CCDC178: variants seen among roughly 807,000 people sequenced by gnomAD.
CCDC178 encodes the protein coiled-coil domain-containing protein 178.
In CCDC178, 126 loss-of-function variants were observed where a neutral mutation model predicts 117.4. The ratio of observed to expected loss-of-function variants is 1.07; its 90% CI spans 0.93 to 1.24. CCDC178 has a LOEUF of 1.24. Ranked by LOEUF, CCDC178 falls within the 50% of genes most tolerant of loss-of-function variation. The pLI is 0.00. For missense variants in CCDC178, 1,030 were observed against 986.9 expected (o/e 1.04, Z -0.59); for synonymous variants, 283 against 313.4 (o/e 0.90, Z 1.02).
intron 20 of CCDC178, among the ~76,000 whole-genome samples, chr18:33,113,527 C>T (rs1266621145): frequency 6.6e-6 from 1 of 152,008 alleles, no homozygotes; most frequent in South Asian, 2.1e-4. Context: ...TGAGATTCAA[C>T]ATCTTGGCAA....
chr18:32,995,945 C>CTA (rs2055497423), intron 21 of CCDC178, among the ~76,000 whole-genome samples: 3 of 151,606 alleles, frequency 2.0e-5, no homozygotes, highest in Admixed American at 6.6e-5. Context: ...ATATCTATAT[C>CTA]TATGTCTCTC....
intron 20 of CCDC178, among the ~76,000 whole-genome samples, chr18:33,193,714 T>C (rs912760572): frequency 6.6e-6 from 1 of 152,230 alleles, no homozygotes; most frequent in East Asian, 1.9e-4. Context: ...AAAACTGTTA[T>C]AGTAAACTAT....
chr18:33,019,507 C>G (rs2056066944), intron 21 of CCDC178, among the ~76,000 whole-genome samples: 1 of 152,110 alleles, frequency 6.6e-6, no homozygotes, highest in African/African-American at 2.4e-5. Context: ...CACTTGGTTC[C>G]TAGATTAAGA....
At chr18:33,408,502 A>G (rs2063810556) in intron 3 of CCDC178, among the ~76,000 whole-genome samples, 1 of 151,898 alleles carries the variant, frequency 6.6e-6, no homozygotes, top group Admixed American at 6.6e-5. Context: ...AGAACTGTAT[A>G]TGTATTACAT....
chr18:33,322,745 T>G (rs2062530001), intron 11 of CCDC178, among the ~76,000 whole-genome samples: 2 of 151,592 alleles, frequency 1.3e-5, no homozygotes, highest in Non-Finnish European at 3.0e-5. Context: ...TAAGTACATG[T>G]TGAAATATAC....
At chr18:33,317,320 G>C (rs937320898) in intron 11 of CCDC178, among the ~76,000 whole-genome samples, 1 of 152,018 alleles carries the variant, frequency 6.6e-6, no homozygotes, top group African/African-American at 2.4e-5. Flanking sequence ...TCACCGTGAA[G>C]GCCTGTGGCT....
chr18:33,414,199 G>C (rs969394921), intron 2 of CCDC178, among the ~76,000 whole-genome samples: 1 of 151,938 alleles, frequency 6.6e-6, no homozygotes, highest in African/African-American at 2.4e-5. Flanking sequence ...TAATATTGTC[G>C]ATTTGAAAAG....
chr18:33,249,004 T>G (rs1164973185), intron 14 of CCDC178, among the ~76,000 whole-genome samples: 1 of 152,174 alleles, frequency 6.6e-6, no homozygotes, highest in African/African-American at 2.4e-5. Flanking sequence ...GATTTGCATT[T>G]CTCTGATGGC....
chr18:33,261,096 T>TTTGC (rs940858997), intron 14 of CCDC178, among the ~76,000 whole-genome samples: 3 of 151,500 alleles, frequency 2.0e-5, no homozygotes, highest in Admixed American at 6.6e-5. Flanking sequence ...TGTTTGTTTG[T>TTTGC]TTGTTGAGAC....
chr18:33,118,572 G>A (rs1322924381), intron 20 of CCDC178, among the ~76,000 whole-genome samples: 1 of 152,110 alleles, frequency 6.6e-6, no homozygotes, highest in African/African-American at 2.4e-5. Context: ...AACATGCCAT[G>A]CTCATGGATA....
intron 21 of CCDC178, among the ~76,000 whole-genome samples, chr18:33,054,423 C>T (rs374022763): frequency 5.3e-5 from 8 of 152,206 alleles, no homozygotes; most frequent in Admixed American, 4.6e-4. Flanking sequence ...GCTCTACCTG[C>T]CCCCCATACC....
At chr18:32,954,956 A>G (rs1392235461) in intron 22 of CCDC178, among the ~76,000 whole-genome samples, 2 of 152,008 alleles carry the variant, frequency 1.3e-5, no homozygotes, top group African/African-American at 4.8e-5. Context: ...CTCCTTTGCT[A>G]TCTCTCAAAT....
At chr18:33,085,660 T>A (rs752781943) in intron 21 of CCDC178, among the ~76,000 whole-genome samples, 12 of 152,166 alleles carry the variant, frequency 7.9e-5, no homozygotes, top group Non-Finnish European at 1.3e-4. Context: ...ACAAAGTGCC[T>A]AGCACATATT....
In CCDC178 at chr18:33,045,450, G is replaced by A. The variant is rs548992139; in HGVS notation, c.2388+47311C>T. Among the ~76,000 whole-genome samples, 61 of 152,244 alleles carry A rather than the reference G, an allele frequency of 4.0e-4. No homozygotes were observed. The South Asian group carries it at 4.3e-3, about 11-fold the overall frequency. The stretch of plus-strand genomic sequence containing the variant: ...GTGCTTAATAGATATTTGCTAACTA[G>A]CAGTTTAGAGTTATTGAACATCTAC... On this transcript the variant is annotated intron_variant, in intron 21 of 22. Coordinates refer to ENST00000383096, the MANE Select transcript of CCDC178 (RefSeq NM_001105528.4).
intron 15 of CCDC178, among the ~76,000 whole-genome samples, chr18:33,229,084 A>C (rs769482532): frequency 6.6e-6 from 1 of 152,108 alleles, no homozygotes; most frequent in African/African-American, 2.4e-5. Context: ...AGTGTATAGG[A>C]TACTTATTAA....
At chr18:33,338,546 C>T (rs1190490588) in intron 9 of CCDC178, among the ~76,000 whole-genome samples, 1 of 152,074 alleles carries the variant, frequency 6.6e-6, no homozygotes. Context: ...GGTACATATA[C>T]CATGGAATAC....
intron 22 of CCDC178, among the ~76,000 whole-genome samples, chr18:32,967,384 ATTGATGTC>A (rs2054836806): frequency 6.6e-6 from 1 of 151,496 alleles, no homozygotes; most frequent in Non-Finnish European, 1.5e-5. Context: ...TACGTTCAGG[ATTGATGTC>A]TTAGACTATA....
chr18:33,330,409 T>C (rs1033746665), intron 10 of CCDC178, among the ~76,000 whole-genome samples: 3 of 152,274 alleles, frequency 2.0e-5, no homozygotes. Flanking sequence ...TGGCTCACGC[T>C]ACAGAAGCCA....
At chr18:32,968,817 A>G (rs1327258250) in intron 22 of CCDC178, among the ~76,000 whole-genome samples, 2 of 152,072 alleles carry the variant, frequency 1.3e-5, no homozygotes, top group Non-Finnish European at 2.9e-5. Flanking sequence ...AAAAGATCAC[A>G]CAGAATCAGA....
Sources: gnomAD v4.1 joint callset for allele counts (sites outside exome capture counted in the v4.1 genomes callset) on GRCh38, gnomAD v4.1.1 for gene constraint, MANE v1.5 for transcripts, NCBI Gene and HGNC (gene_info 2026-07-23, HGNC 2026-07-21) for gene names.